The following RABGAP1L variants were observed in gnomAD, a reference collection of about 807,000 sequenced individuals.
RABGAP1L encodes RAB GTPase activating protein 1 like, also known as rab GTPase-activating protein 1-like.
RABGAP1L carries 63 observed loss-of-function variants against 137.7 expected under a neutral mutation model. The observed-to-expected ratio is 0.46, with a 90% confidence interval of 0.37 to 0.56. The LOEUF is 0.56. RABGAP1L is among the 20% of genes least tolerant of loss of function. RABGAP1L has a pLI of 0.00. For synonymous variants in RABGAP1L, 431 were observed against 433.7 expected (o/e 0.99, Z 0.08); for missense variants, 1,095 against 1,244.0 (o/e 0.88, Z 1.80).
chr1:174,241,479 A>G lies in RABGAP1L; in HGVS notation c.543-4A>G, dbSNP rs375550164. On this transcript the variant is annotated splice_polypyrimidine_tract_variant and splice_region_variant and intron_variant, in intron 4 of 25. Coordinates refer to ENST00000681986, the MANE Select transcript of RABGAP1L (RefSeq NM_001366446.1). Reference sequence around the variant, plus strand: ...TTATCTAACTTTTCATTACTGTTCTACAGAATTATAGACCAATCCAGCAAT... The same window carrying G: ...TTATCTAACTTTTCATTACTGTTCTGCAGAATTATAGACCAATCCAGCAAT... 2.4e-5 allele frequency: 36 copies of G among 1,529,408 alleles called. No homozygotes were observed. The highest frequency in any genetic ancestry group is 5.2e-5 in the South Asian group (4 of 77,056). 94.7% of individuals were successfully genotyped at this position (1,529,408 alleles called of 1,614,324 possible).
At chr1:174,489,064 A>G (rs926144153) in intron 13 of RABGAP1L, among the ~76,000 whole-genome samples, 1 of 152,008 alleles carries the variant, frequency 6.6e-6, no homozygotes, top group Non-Finnish European at 1.5e-5. Flanking sequence ...GATGGTTTCT[A>G]GCTTCATCCA....
intron 13 of RABGAP1L, among the ~76,000 whole-genome samples, chr1:174,554,248 A>C (rs1385025930): frequency 6.6e-6 from 1 of 152,132 alleles, no homozygotes; most frequent in Non-Finnish European, 1.5e-5. Flanking sequence ...TGGGCCTTCT[A>C]TCATTTGCCT....
At chr1:174,457,503 A>T (rs973025749) in intron 13 of RABGAP1L, among the ~76,000 whole-genome samples, 10 of 109,002 alleles carry the variant, frequency 9.2e-5, no homozygotes, top group African/African-American at 2.7e-4. Flanking sequence ...TTTTTTTGAG[A>T]TGGAGTCTTG....
At chr1:174,835,745 A>C (rs531929271) in intron 19 of RABGAP1L, among the ~76,000 whole-genome samples, 1 of 152,326 alleles carries the variant, frequency 6.6e-6, no homozygotes, top group Admixed American at 6.5e-5. Flanking sequence ...TGAATTGTCA[A>C]ACGTGAAATA....
intron 20 of RABGAP1L, among the ~76,000 whole-genome samples, chr1:174,966,561 G>T (rs1669645722): frequency 1.3e-5 from 2 of 152,180 alleles, no homozygotes; most frequent in African/African-American, 4.8e-5. Context: ...GCCCCTGCTA[G>T]AAATTGTGTT....
chr1:174,683,208 C>A (rs1172382716), intron 14 of RABGAP1L, among the ~76,000 whole-genome samples: 1 of 152,022 alleles, frequency 6.6e-6, no homozygotes, highest in Non-Finnish European at 1.5e-5. Context: ...TTTGCCTCTG[C>A]CTCCTGTGGC....
At chr1:174,495,765 G>T (rs911733230) in intron 13 of RABGAP1L, among the ~76,000 whole-genome samples, 1 of 152,214 alleles carries the variant, frequency 6.6e-6, no homozygotes, top group Middle Eastern at 3.4e-3. Flanking sequence ...TATTACTTCA[G>T]TTCCTCATCT....
intron 13 of RABGAP1L, among the ~76,000 whole-genome samples, chr1:174,501,013 A>C (rs2147758961): frequency 6.6e-6 from 1 of 152,182 alleles, no homozygotes; most frequent in Admixed American, 6.5e-5. Flanking sequence ...AACATTTTCT[A>C]ATTTCTTAAG....
intron 11 of RABGAP1L, among the ~76,000 whole-genome samples, chr1:174,337,349 G>A (rs1469873162): frequency 1.3e-5 from 2 of 152,080 alleles, no homozygotes; most frequent in African/African-American, 4.8e-5. Flanking sequence ...GTAGAAAGTA[G>A]AAAGGATAAC....
intron 5 of RABGAP1L, chr1:174,244,983 C>A (rs773250279): frequency 6.6e-6 from 1 of 152,142 alleles, no homozygotes; most frequent in Non-Finnish European, 1.5e-5. Context: ...TCAAGGGCAT[C>A]ATTGGGAAGA....
chr1:174,602,016 A>G (rs1670453563), intron 13 of RABGAP1L, among the ~76,000 whole-genome samples: 1 of 152,146 alleles, frequency 6.6e-6, no homozygotes, highest in Non-Finnish European at 1.5e-5. Flanking sequence ...CTATTCAACA[A>G]GTCTCTGGGA....
chr1:174,295,513 G>A (rs1677046055), intron 10 of RABGAP1L, among the ~76,000 whole-genome samples: 1 of 151,978 alleles, frequency 6.6e-6, no homozygotes, highest in Admixed American at 6.6e-5. Context: ...CCTCCCAGCA[G>A]CTGGGACTAC....
At chr1:174,182,600 T>G (rs1666467297) in intron 1 of RABGAP1L, among the ~76,000 whole-genome samples, 1 of 152,206 alleles carries the variant, frequency 6.6e-6, no homozygotes, top group South Asian at 2.1e-4. Flanking sequence ...AGTGAAATTA[T>G]AGTTTAAGCC....
At chr1:174,721,322 T>A (rs1382907953) in intron 17 of RABGAP1L, among the ~76,000 whole-genome samples, 1 of 152,208 alleles carries the variant, frequency 6.6e-6, no homozygotes, top group African/African-American at 2.4e-5. Context: ...CTTTGGCAAA[T>A]TCTGGGAAGA....
chr1:174,195,816 T>C (rs1390374816), intron 1 of RABGAP1L, among the ~76,000 whole-genome samples: 9 of 145,156 alleles, frequency 6.2e-5, no homozygotes, highest in Non-Finnish European at 1.1e-4. Context: ...TTTCTATCCT[T>C]CTTTCTTTCT....
At chr1:174,831,867 G>A (rs1215675117) in intron 19 of RABGAP1L, among the ~76,000 whole-genome samples, 1 of 148,406 alleles carries the variant, frequency 6.7e-6, no homozygotes, top group Non-Finnish European at 1.5e-5. Context: ...ACCTAAGGTA[G>A]GAGAGTGGAG....
intron 21 of RABGAP1L, 47 bp from the exon 22 acceptor site, chr1:174,976,031 C>T (rs1053998889): frequency 4.8e-6 from 7 of 1,456,530 alleles, no homozygotes; most frequent in Non-Finnish European, 6.6e-6. Context: ...CTTTCTTTAC[C>T]CTCTGTATGA....
rs745854272 is a variant in RABGAP1L, at chr1:174,502,658, A to ATG, written c.1710+108523_1710+108524dup. Reference sequence around the variant, plus strand: ...TGTGTGTATATATATGTACATATATATGTGTGTGTGTATATATACATATAT... The same window carrying ATG: ...TGTGTGTATATATATGTACATATATATGTGTGTGTGTGTATATATACATATAT... On this transcript the variant is annotated intron_variant, in intron 13 of 25. Coordinates refer to ENST00000681986, the MANE Select transcript of RABGAP1L (RefSeq NM_001366446.1). 1.1e-3 allele frequency among the ~76,000 whole-genome samples: 164 copies of ATG among 147,534 alleles called. 1 individual carries two copies. The highest frequency in any genetic ancestry group is 3.4e-3 in the African/African-American group (135 of 39,926).
At chr1:174,202,927 C>G (rs987698904) in intron 1 of RABGAP1L, among the ~76,000 whole-genome samples, 7 of 151,778 alleles carry the variant, frequency 4.6e-5, no homozygotes, top group African/African-American at 1.2e-4. Context: ...CCCATTGCTT[C>G]TTTTTGTCAG....
Sources: allele counts gnomAD v4.1 joint callset (sites outside exome capture counted in the v4.1 genomes callset), GRCh38; gene constraint gnomAD v4.1.1; transcripts MANE v1.5; gene names NCBI Gene and HGNC (gene_info 2026-07-23, HGNC 2026-07-21).